SGCZ: variants seen among roughly 807,000 people sequenced by gnomAD.
SGCZ encodes the protein sarcoglycan zeta, also known as zeta-sarcoglycan.
In SGCZ, 40 loss-of-function variants were observed where a neutral mutation model predicts 41.3. The ratio of observed to expected loss-of-function variants is 0.97; its 90% CI spans 0.75 to 1.26. SGCZ has a LOEUF of 1.26. Ranked by LOEUF, SGCZ falls within the 50% of genes most tolerant of loss-of-function variation. SGCZ has a pLI of 0.00. For missense variants in SGCZ, 552 were observed against 369.8 expected, an observed-to-expected ratio of 1.49 and a Z score of -4.04; for synonymous variants, 206 against 137.5, an observed-to-expected ratio of 1.50 and a Z score of -3.49.
intron 1 of SGCZ, among the ~76,000 whole-genome samples, chr8:14,680,596 A>C (rs955483791): frequency 2.6e-5 from 4 of 152,088 alleles, no homozygotes; most frequent in African/African-American, 4.8e-5. Flanking sequence ...ATACATTAAA[A>C]AGCTCTTATA....
At chr8:14,268,339 A>T (rs1467676057) in intron 3 of SGCZ, among the ~76,000 whole-genome samples, 1 of 145,704 alleles carries the variant, frequency 6.9e-6, no homozygotes, top group African/African-American at 2.4e-5. Flanking sequence ...TAACATTTAT[A>T]TTTAAAAATA....
chr8:14,126,303 C>G (rs1356962454), intron 5 of SGCZ, among the ~76,000 whole-genome samples: 1 of 152,000 alleles, frequency 6.6e-6, no homozygotes, highest in East Asian at 1.9e-4. Context: ...ACAATCCCAT[C>G]AAAAAATGGG....
intron 1 of SGCZ, among the ~76,000 whole-genome samples, chr8:15,130,605 A>G (rs1021906017): frequency 4.6e-5 from 7 of 152,336 alleles, no homozygotes; most frequent in African/African-American, 1.7e-4. Context: ...CAGTTAAATT[A>G]TCACTCGTTT....
At chr8:14,199,008 G>C (rs766809757) in intron 4 of SGCZ, among the ~76,000 whole-genome samples, 1 of 152,156 alleles carries the variant, frequency 6.6e-6, no homozygotes, top group Non-Finnish European at 1.5e-5. Context: ...GAGCATGTGT[G>C]TTTGAACAAT....
chr8:14,360,140 A>G (rs1803455383), intron 2 of SGCZ, among the ~76,000 whole-genome samples: 1 of 152,182 alleles, frequency 6.6e-6, no homozygotes, highest in South Asian at 2.1e-4. Context: ...CGTGCAACAG[A>G]CTGACAGCTA....
At chr8:14,432,165 C>T (rs184628074) in intron 2 of SGCZ, among the ~76,000 whole-genome samples, 3 of 152,308 alleles carry the variant, frequency 2.0e-5, no homozygotes, top group African/African-American at 7.2e-5. Flanking sequence ...TTTGATCCAG[C>T]AATCCCACTA....
intron 1 of SGCZ, among the ~76,000 whole-genome samples, chr8:14,669,248 C>G (rs988807069): frequency 2.6e-5 from 4 of 151,304 alleles, no homozygotes; most frequent in African/African-American, 9.7e-5. Flanking sequence ...ATCCCAGCTA[C>G]TCAGGAGGTG....
In SGCZ at chr8:14,309,309, G is replaced by A. The variant is rs1801449276; in HGVS notation, c.336+14794C>T. ...TGTGACTACTCACTTTTTAAGGATG[G>A]TATTGAGACTATGTGGGAAGATGAG... On this transcript the variant is annotated intron_variant, in intron 3 of 7. Transcript: ENST00000382080. The A allele has an allele frequency of 4.4e-6, 7 of 1,589,740 alleles. No homozygotes were observed. In the South Asian group the frequency reaches 5.5e-5, roughly 13 times the overall value.
intron 1 of SGCZ, among the ~76,000 whole-genome samples, chr8:14,847,722 G>A (rs1231540664): frequency 2.5e-4 from 32 of 128,788 alleles, no homozygotes; most frequent in Non-Finnish European, 4.0e-4. Flanking sequence ...GAGGAGGAAA[G>A]GGAGGGAGGG....
In SGCZ at chr8:15,117,358, C is replaced by CA. The variant is rs111672452; in HGVS notation, c.39+120226dup. Among the ~76,000 whole-genome samples, 380 of 136,966 alleles carry CA rather than the reference C, an allele frequency of 2.8e-3. 3 individuals are homozygous for CA. In the East Asian group the frequency reaches 0.046, roughly 17 times the overall value. 89.9% of individuals were successfully genotyped at this position (136,966 alleles called of 152,430 possible). ...TGGGCGACAGAGCGAGACTCCATCT[C>CA]AAAAAAAAAAAAAGTATAAATGTAT... On this transcript the variant is annotated intron_variant, in intron 1 of 7. Coordinates refer to ENST00000382080, the MANE Select transcript of SGCZ (RefSeq NM_139167.4).
intron 1 of SGCZ, among the ~76,000 whole-genome samples, chr8:14,556,816 T>C (rs183074023): frequency 6.6e-6 from 1 of 152,234 alleles, no homozygotes; most frequent in Admixed American, 6.5e-5. Flanking sequence ...TGTACATATA[T>C]ATACCACAGC....
chr8:14,136,853 T>C (rs1264221319), intron 5 of SGCZ, among the ~76,000 whole-genome samples: 1 of 152,178 alleles, frequency 6.6e-6, no homozygotes, highest in Non-Finnish European at 1.5e-5. Context: ...CCTCCTCAAG[T>C]GGGTCCCCGA....
intron 4 of SGCZ, among the ~76,000 whole-genome samples, chr8:14,172,010 T>C (rs955484040): frequency 7.9e-5 from 12 of 152,268 alleles, no homozygotes; most frequent in Admixed American, 4.6e-4. Context: ...CTAGTGTATA[T>C]GGAATGCTTA....
intron 2 of SGCZ, among the ~76,000 whole-genome samples, chr8:14,449,475 C>T (rs756092343): frequency 6.6e-6 from 1 of 152,138 alleles, no homozygotes; most frequent in Non-Finnish European, 1.5e-5. Context: ...ATGCCCATTG[C>T]TACCATACAC....
At chr8:14,905,626 A>G (rs1799099252) in intron 1 of SGCZ, among the ~76,000 whole-genome samples, 1 of 152,082 alleles carries the variant, frequency 6.6e-6, no homozygotes, top group African/African-American at 2.4e-5. Flanking sequence ...TTCTATGATT[A>G]AATTAATTAC....
At chr8:14,198,894 G>C (rs10095377) in intron 4 of SGCZ, among the ~76,000 whole-genome samples, 151,511 of 152,324 alleles carry the variant, frequency 0.99, 75,357 homozygotes, top group East Asian at 1. Flanking sequence ...ATTTCCTATG[G>C]CTGTCTTTAC....
chr8:14,736,814 T>C (rs760749893), intron 1 of SGCZ, among the ~76,000 whole-genome samples: 5 of 152,104 alleles, frequency 3.3e-5, no homozygotes, highest in Non-Finnish European at 7.4e-5. Context: ...ATTAGTTCTT[T>C]TTTTATGGCT....
intron 5 of SGCZ, among the ~76,000 whole-genome samples, chr8:14,145,169 G>A (rs1211131322): frequency 6.6e-6 from 1 of 152,176 alleles, no homozygotes; most frequent in Non-Finnish European, 1.5e-5. Context: ...ACCAAGTGCA[G>A]TCATAGTGGT....
At chr8:14,984,411 C>A (rs1396021555) in intron 1 of SGCZ, among the ~76,000 whole-genome samples, 1 of 152,044 alleles carries the variant, frequency 6.6e-6, no homozygotes, top group Admixed American at 6.6e-5. Context: ...TTGTTTTAAA[C>A]CAAATAAAAA....
Sources: gnomAD v4.1 joint callset for allele counts (sites outside exome capture counted in the v4.1 genomes callset) on GRCh38, gnomAD v4.1.1 for gene constraint, MANE v1.5 for transcripts, NCBI Gene and HGNC (gene_info 2026-07-23, HGNC 2026-07-21) for gene names.